EPB41: variants seen among roughly 807,000 people sequenced by gnomAD.
EPB41 encodes the protein erythrocyte membrane protein band 4.1, also known as protein 4.1.
A neutral mutation model predicts 108.0 loss-of-function variants in EPB41; 65 were observed. That is an observed-to-expected ratio of 0.60 (90% CI 0.49 to 0.74). The LOEUF is 0.74. EPB41 is among the 30% of genes least tolerant of loss of function. EPB41 has a pLI of 0.00. For missense variants in EPB41, 875 were observed against 1,037.0 expected (o/e 0.84, Z 2.15); for synonymous variants, 336 against 358.9 (o/e 0.94, Z 0.72).
At chr1:28,922,225 C>G (rs927474433) in intron 1 of EPB41, among the ~76,000 whole-genome samples, 2 of 151,688 alleles carry the variant, frequency 1.3e-5, no homozygotes, top group Non-Finnish European at 2.9e-5. Context: ...GCCTTGGCCT[C>G]CCAAAGTGCT....
intron 16 of EPB41, chr1:29,096,554 C>T: frequency 1.0e-6 from 1 of 985,764 alleles, no homozygotes; most frequent in Non-Finnish European, 1.2e-6. Flanking sequence ...TGGATCATTT[C>T]TTGACTTTCA....
At chr1:29,011,789 CA>C in intron 4 of EPB41, 75 bp from the exon 5 acceptor site, 2 of 1,491,748 alleles carry the variant, frequency 1.3e-6, no homozygotes, top group Non-Finnish European at 1.9e-6. Context: ...TGAAGATAGT[CA>C]GTGATCTTGC....
At chr1:28,971,153 TA>T (rs2095483953) in intron 1 of EPB41, among the ~76,000 whole-genome samples, 1 of 149,196 alleles carries the variant, frequency 6.7e-6, no homozygotes, top group East Asian at 2.0e-4. Flanking sequence ...CGGCCGCATT[TA>T]ATCTTTTTTT....
chr1:28,924,709 T>A (rs2093340482), intron 1 of EPB41, among the ~76,000 whole-genome samples: 1 of 152,222 alleles, frequency 6.6e-6, no homozygotes, highest in Non-Finnish European at 1.5e-5. Context: ...ATGTAATAAA[T>A]ACTTATTGAT....
At chr1:29,068,795 G>A (rs968873390) in intron 16 of EPB41, 2 of 1,231,978 alleles carry the variant, frequency 1.6e-6, no homozygotes, top group African/African-American at 3.1e-5. Context: ...TAAAGCTGCT[G>A]TTATGACTTG....
At chr1:28,895,796 C>T (rs1352446248) in intron 1 of EPB41, among the ~76,000 whole-genome samples, 1 of 152,118 alleles carries the variant, frequency 6.6e-6, no homozygotes, top group Non-Finnish European at 1.5e-5. Flanking sequence ...CCCTAAGGCC[C>T]AAATTCTTAG....
chr1:29,112,568 A>G (rs964805503), intron 19 of EPB41, 120 bp downstream of exon 19: 6 of 789,858 alleles, frequency 7.6e-6, no homozygotes, highest in Non-Finnish European at 1.3e-5. Flanking sequence ...CTAGCTCTTA[A>G]TTGAGAAGAA....
intron 10 of EPB41, among the ~76,000 whole-genome samples, chr1:29,038,109 T>A (rs1640184910): frequency 1.3e-5 from 2 of 152,214 alleles, no homozygotes; most frequent in Admixed American, 1.3e-4. Context: ...CTATTTATAT[T>A]TTCATATAAT....
intron 1 of EPB41, among the ~76,000 whole-genome samples, chr1:28,946,112 T>G (rs886761448): frequency 6.6e-6 from 1 of 152,068 alleles, no homozygotes; most frequent in African/African-American, 2.4e-5. Context: ...GTATACAATT[T>G]TATTCTTTTA....
intron 1 of EPB41, among the ~76,000 whole-genome samples, chr1:28,952,205 CTTTTT>C (rs903734147): frequency 9.0e-5 from 13 of 144,854 alleles, no homozygotes; most frequent in Non-Finnish European, 2.0e-4. Flanking sequence ...TGAGGAGATA[CTTTTT>C]TTTTTTTTTC....
At chr1:28,975,696 C>T (rs746188425) in intron 1 of EPB41, among the ~76,000 whole-genome samples, 3 of 152,008 alleles carry the variant, frequency 2.0e-5, no homozygotes, top group Non-Finnish European at 4.4e-5. Flanking sequence ...TGGCCAGGCG[C>T]GGTGGCTCAC....
At chr1:28,903,034 T>A (rs993805097) in intron 1 of EPB41, among the ~76,000 whole-genome samples, 5 of 152,166 alleles carry the variant, frequency 3.3e-5, no homozygotes, top group African/African-American at 9.7e-5. Flanking sequence ...CTCTCTGACG[T>A]CAGTTCCCAA....
intron 11 of EPB41, among the ~76,000 whole-genome samples, chr1:29,049,462 C>T (rs1258954562): frequency 6.6e-6 from 1 of 152,192 alleles, no homozygotes; most frequent in Non-Finnish European, 1.5e-5. Flanking sequence ...AAACAAAACA[C>T]ATGCCCAAGC....
chr1:28,927,457 A>G (rs960071659), intron 1 of EPB41, among the ~76,000 whole-genome samples: 1 of 152,150 alleles, frequency 6.6e-6, no homozygotes, highest in Non-Finnish European at 1.5e-5. Context: ...GGACTTCCTC[A>G]AAAGCCAAAA....
upstream of EPB41, chr1:28,911,149 C>T (rs569695272): frequency 4.4e-5 from 43 of 985,384 alleles, no homozygotes; most frequent in African/African-American, 7.1e-4. Flanking sequence ...TACTTATACC[C>T]CCACATCTTC....
rs373691949 is a variant in EPB41, at chr1:29,091,095, G to A, written c.2185-6712G>A. Reference sequence around the variant, plus strand: ...CACATGCTTTGGAAAAAAAGAGATTGTTCTGTCTAATTTAACTCAGCAGTA... The same window carrying A: ...CACATGCTTTGGAAAAAAAGAGATTATTCTGTCTAATTTAACTCAGCAGTA... On this transcript the variant is annotated intron_variant, in intron 16 of 20. Coordinates refer to ENST00000343067, the MANE Select transcript of EPB41 (RefSeq NM_001376013.1). Among the ~76,000 whole-genome samples, 31 of 152,300 alleles carry A rather than the reference G, an allele frequency of 2.0e-4. No individual in the cohort carries two copies. In the South Asian group the frequency reaches 6.0e-3, roughly 30 times the overall value.
chr1:29,043,359 A>G (rs1159602042), intron 11 of EPB41, among the ~76,000 whole-genome samples: 1 of 152,188 alleles, frequency 6.6e-6, no homozygotes, highest in Non-Finnish European at 1.5e-5. Context: ...AGTAGCAAGT[A>G]CAAAGTCCTG....
rs2092442175 is a variant in EPB41 at position 28,914,573 on chromosome 1, G to A, written c.-203G>A. 1 of 152,136 alleles carries A rather than the reference G, an allele frequency of 6.6e-6. No individual in the cohort carries two copies. The highest frequency in any genetic ancestry group is 2.0e-4 in the South Asian group (1 of 4,936). 9.4% of individuals were successfully genotyped at this position (152,136 alleles called of 1,614,324 possible). Reference sequence around the variant, plus strand: ...GCCGGGCTGGCCTCGCCTCGCAGAGGGAAGGCGGGAGGGCGCGCGCCAGGG... The same window carrying A: ...GCCGGGCTGGCCTCGCCTCGCAGAGAGAAGGCGGGAGGGCGCGCGCCAGGG... On this transcript the variant is annotated 5_prime_UTR_variant, in exon 1 of 21. Transcript: ENST00000343067.
In EPB41 at chr1:29,119,883, C is replaced by T. The variant is rs1355963298; in HGVS notation, c.*3071C>T. Reference sequence around the variant, plus strand: ...TACATTTCTTGAAAAAATAGGAACTCGGGCAGCAGAATCAGATTGGCAGAA... The same window carrying T: ...TACATTTCTTGAAAAAATAGGAACTTGGGCAGCAGAATCAGATTGGCAGAA... On this transcript the variant is annotated 3_prime_UTR_variant, in exon 21 of 21. Coordinates refer to ENST00000343067, the MANE Select transcript of EPB41 (RefSeq NM_001376013.1). 2 of 152,616 alleles carry T rather than the reference C, an allele frequency of 1.3e-5. No homozygotes were observed. Among genetic ancestry groups the T allele is most frequent in the African/African-American group, 4.8e-5 (2 of 41,438 alleles). 9.5% of individuals were successfully genotyped at this position (152,616 alleles called of 1,614,324 possible).
Sources: gnomAD v4.1 joint callset for allele counts (sites outside exome capture counted in the v4.1 genomes callset) on GRCh38, gnomAD v4.1.1 for gene constraint, MANE v1.5 for transcripts, NCBI Gene and HGNC (gene_info 2026-07-23, HGNC 2026-07-21) for gene names.